The following LATS2 variants were observed in gnomAD, a reference collection of about 807,000 sequenced individuals.
LATS2 encodes the protein serine/threonine-protein kinase LATS2.
LATS2 carries 24 observed loss-of-function variants against 76.0 expected under a neutral mutation model. That is an observed-to-expected ratio of 0.32 (90% confidence interval 0.23 to 0.44). The LOEUF is 0.44. LATS2 is among the 20% of genes least tolerant of loss of function. The probability of loss-of-function intolerance (pLI) is 1.00; values close to 1 mark genes in which losing one functional copy is unlikely to be tolerated. For synonymous variants in LATS2, 692 were observed against 635.4 expected, an observed-to-expected ratio of 1.09 and a Z score of -1.34; for missense variants, 1,286 against 1,481.2, an observed-to-expected ratio of 0.87 and a Z score of 2.16.
chr13:21,008,085 C>A (rs1206401342), intron 2 of LATS2, among the ~76,000 whole-genome samples: 2 of 151,994 alleles, frequency 1.3e-5, no homozygotes, highest in African/African-American at 4.8e-5. Flanking sequence ...AAGGCCCACT[C>A]TGGCTCCACC....
chr13:21,010,383 C>A (rs1243850311), intron 2 of LATS2, among the ~76,000 whole-genome samples: 1 of 152,028 alleles, frequency 6.6e-6, no homozygotes, highest in Non-Finnish European at 1.5e-5. Flanking sequence ...AACCCCCAGT[C>A]CTCCACCTGG....
At chr13:21,007,699 A>ATATATAGT (rs1173839566) in intron 2 of LATS2, among the ~76,000 whole-genome samples, 43 of 586 alleles carry the variant, frequency 0.073, 11 homozygotes, top group Non-Finnish European at 0.14. Flanking sequence ...ATATATATAT[A>ATATATAGT]GTATGTATAT....
chr13:20,998,676 C>A (rs2138312280), intron 2 of LATS2, among the ~76,000 whole-genome samples: 1 of 152,352 alleles, frequency 6.6e-6, no homozygotes, highest in Admixed American at 6.5e-5. Context: ...CCATTGCGTG[C>A]CCCTCCCCTG....
At chr13:21,055,779 C>A (rs1838532005) in intron 1 of LATS2, among the ~76,000 whole-genome samples, 1 of 152,194 alleles carries the variant, frequency 6.6e-6, no homozygotes. Context: ...CCTAAAATTC[C>A]AGCTATTATT....
chr13:20,982,100 A>G (rs1869916092), intron 5 of LATS2, among the ~76,000 whole-genome samples: 1 of 152,250 alleles, frequency 6.6e-6, no homozygotes, highest in African/African-American at 2.4e-5. Flanking sequence ...GAATGAATTA[A>G]ATGATTTAGA....
intron 1 of LATS2, among the ~76,000 whole-genome samples, chr13:21,060,974 C>T (rs974778901): frequency 6.6e-6 from 1 of 151,264 alleles, no homozygotes; most frequent in South Asian, 2.1e-4. Context: ...TAGGACACCG[C>T]CCCCGGCCCG....
At position 20,977,427 on chromosome 13, in the gene LATS2, A is replaced by G. The variant is rs1024478168; in HGVS notation, c.2773-2063T>C. ...AAGTCCTAAGCATAACCAAACTCAC[A>G]GAGACAGGAAGCAGAAGAGAGGCGA... is the stretch of plus-strand genomic sequence containing the variant. On this transcript the variant is annotated intron_variant, in intron 7 of 7. Coordinates refer to ENST00000382592, the MANE Select transcript of LATS2 (RefSeq NM_014572.3). 2.0e-5 allele frequency among the ~76,000 whole-genome samples: 3 copies of G among 151,570 alleles called. No individual in the cohort carries two copies. In the East Asian group the frequency reaches 5.8e-4, roughly 29 times the overall value.
intron 4 of LATS2, among the ~76,000 whole-genome samples, chr13:20,985,514 G>A (rs1490102396): frequency 5.3e-5 from 8 of 152,118 alleles, no homozygotes; most frequent in East Asian, 1.9e-4. Context: ...TGAGGCAGGC[G>A]GATTACTTGA....
Position 20,988,424 on chromosome 13 carries a change from C to T in LATS2, c.1356G>A (p.Pro452=), listed in dbSNP as rs775151766. 2.7e-6 allele frequency: 4 copies of T among 1,456,860 alleles called. No individual in the cohort carries two copies. Among genetic ancestry groups the T allele is most frequent in the Non-Finnish European group, 3.6e-6 (4 of 1,113,102 alleles). 90.2% of individuals were successfully genotyped at this position (1,456,860 alleles called of 1,614,324 possible). The part of the protein sequence containing the change: ...HPVKSVRVLR[P]EPQTAVGPSH... ...AGGGCCCCACAGCCGTCTGCGGCTC[C>T]GGCCTCAGCACACGCACGCTCTTCA... is the stretch of plus-strand genomic sequence containing the variant. Residue 452 remains proline (P), a synonymous_variant, in exon 4 of 8, where the codon CCG becomes CCA. Coordinates refer to ENST00000382592, the MANE Select transcript of LATS2 (RefSeq NM_014572.3).
Position 20,990,461 on chromosome 13 carries a change from A to ATTTTT in LATS2, c.475+806_475+810dup, listed in dbSNP as rs35074574. ...GGGAAAACTCTTGCTAATTACTAGG[A>ATTTTT]TTTTTTTTTTTTTTTTTTTTTTTTT... On this transcript the variant is annotated intron_variant, in intron 3 of 7. Transcript: ENST00000382592. 6.3e-4 allele frequency among the ~76,000 whole-genome samples: 60 copies of ATTTTT among 94,520 alleles called. 5 individuals are homozygous for ATTTTT. Among genetic ancestry groups the ATTTTT allele is most frequent in the African/African-American group, 2.3e-3 (56 of 24,376 alleles). 62.0% of individuals were successfully genotyped at this position (94,520 alleles called of 152,430 possible). A position where few individuals can be genotyped will look rare whatever the true frequency, so the allele number is the denominator to read the frequency against.
intron 5 of LATS2, 123 bp from the exon 6 acceptor site, chr13:20,981,771 T>C: frequency 2.5e-6 from 2 of 800,706 alleles, no homozygotes; most frequent in South Asian, 3.7e-5. Flanking sequence ...GCTCCTGACA[T>C]ATCAGGACAG....
At chr13:20,992,561 T>C (rs889082807) in intron 2 of LATS2, among the ~76,000 whole-genome samples, 11 of 151,908 alleles carry the variant, frequency 7.2e-5, no homozygotes, top group African/African-American at 2.7e-4. Context: ...AAGAACACCG[T>C]TGAGGCTGGC....
chr13:21,051,888 T>C (rs909863586), intron 1 of LATS2, among the ~76,000 whole-genome samples: 5 of 152,042 alleles, frequency 3.3e-5, no homozygotes, highest in African/African-American at 9.7e-5. Flanking sequence ...ACCCAGGAAG[T>C]AGAGGCTGCA....
chr13:20,986,902 AAAAT>A (rs1421582009), intron 4 of LATS2, among the ~76,000 whole-genome samples: 6 of 152,206 alleles, frequency 3.9e-5, no homozygotes, highest in Admixed American at 3.9e-4. Context: ...GTATAAATAA[AAAAT>A]AAACGGCTGG....
chr13:21,024,108 A>G (rs1199248133), intron 2 of LATS2, among the ~76,000 whole-genome samples: 4 of 151,136 alleles, frequency 2.6e-5, no homozygotes, highest in Non-Finnish European at 3.0e-5. Flanking sequence ...AAAAAAAAAA[A>G]AAAAAAAGAA....
chr13:21,021,308 A>T (rs1768763829), intron 2 of LATS2, among the ~76,000 whole-genome samples: 1 of 151,866 alleles, frequency 6.6e-6, no homozygotes, highest in South Asian at 2.1e-4. Context: ...CCCTGTCTCT[A>T]CTAAAAATAG....
In LATS2 at chr13:21,029,609, G is replaced by T. The variant is rs1484865278; in HGVS notation, c.342+16076C>A. On this transcript the variant is annotated intron_variant, in intron 2 of 7. Coordinates refer to ENST00000382592, the MANE Select transcript of LATS2 (RefSeq NM_014572.3). ...AGTTCGAGACCAGCCTGGCCAATATGGTGAAACCCCATTGCTACTAAAAAT... is the reference window on the plus strand; with the variant it reads ...AGTTCGAGACCAGCCTGGCCAATATTGTGAAACCCCATTGCTACTAAAAAT... Among the ~76,000 whole-genome samples, 3 of 152,140 alleles carry T rather than the reference G, an allele frequency of 2.0e-5. No individual in the cohort carries two copies. The South Asian group carries it at 6.2e-4, about 32-fold the overall frequency.
At chr13:21,040,036 G>GT (rs1446414887) in intron 2 of LATS2, among the ~76,000 whole-genome samples, 1 of 150,754 alleles carries the variant, frequency 6.6e-6, no homozygotes, top group African/African-American at 2.4e-5. Context: ...TAGCTCCATT[G>GT]TATTCCAGCC....
intron 2 of LATS2, among the ~76,000 whole-genome samples, chr13:20,995,530 T>C (rs927782856): frequency 6.6e-6 from 1 of 152,152 alleles, no homozygotes; most frequent in African/African-American, 2.4e-5. Context: ...TCAGCAGATA[T>C]CTGTTCAATG....
Sources: allele counts gnomAD v4.1 joint callset (sites outside exome capture counted in the v4.1 genomes callset), GRCh38; gene constraint gnomAD v4.1.1; transcripts MANE v1.5; gene names NCBI Gene and HGNC (gene_info 2026-07-23, HGNC 2026-07-21).